HPSE2: variants seen among roughly 807,000 people sequenced by gnomAD.
The protein encoded by HPSE2 is heparanase 2 (inactive).
A neutral mutation model predicts 60.5 loss-of-function variants in HPSE2; 38 were observed. That is an observed-to-expected ratio of 0.63 (90% CI 0.48 to 0.82). The LOEUF (loss-of-function observed/expected upper bound fraction) is 0.82. Ranked by LOEUF, HPSE2 falls within the 40% of genes least tolerant of loss-of-function variation. The pLI is 0.00. For missense variants in HPSE2, 713 were observed against 740.4 expected (o/e 0.96, Z 0.43); for synonymous variants, 295 against 293.2 (o/e 1.01, Z -0.06).
intron 2 of HPSE2, among the ~76,000 whole-genome samples, chr10:99,164,227 TTATATATATA>T (rs60497589): frequency 0.048 from 1,625 of 33,508 alleles, 51 homozygotes; most frequent in South Asian, 0.065. Context: ...TATTCAAGCA[TTATATATATA>T]TATATATATA....
At chr10:98,620,540 C>G in intron 8 of HPSE2, 62 bp downstream of exon 8, 1 of 1,207,818 alleles carries the variant, frequency 8.3e-7, no homozygotes, top group Non-Finnish European at 1.2e-6. Flanking sequence ...TCAGCAACAC[C>G]AGAGATTCAC....
intron 3 of HPSE2, among the ~76,000 whole-genome samples, chr10:98,911,912 T>C (rs1342027256): frequency 1.3e-5 from 2 of 152,204 alleles, no homozygotes; most frequent in African/African-American, 4.8e-5. Context: ...TTATTTGACC[T>C]TGAGAAACTA....
intron 3 of HPSE2, among the ~76,000 whole-genome samples, chr10:98,978,099 C>T (rs998421204): frequency 2.0e-5 from 3 of 151,978 alleles, no homozygotes; most frequent in Admixed American, 1.3e-4. Flanking sequence ...ATTTGAAACA[C>T]GCTTAATTCC....
At chr10:98,726,491 AG>A (rs1418053002) in intron 4 of HPSE2, among the ~76,000 whole-genome samples, 1 of 30,290 alleles carries the variant, frequency 3.3e-5, no homozygotes, top group Non-Finnish European at 6.6e-5. Context: ...GTTGTGGGGC[AG>A]GGGGAGGGGG....
chr10:99,132,746 A>G (rs542680000), intron 3 of HPSE2, among the ~76,000 whole-genome samples: 58 of 152,332 alleles, frequency 3.8e-4, no homozygotes, highest in Non-Finnish European at 6.2e-4. Flanking sequence ...CCCGCAAACC[A>G]GGAGATTCCC....
At chr10:99,288,748 CAAAAA>C in the HPSE2 span, among the ~76,000 whole-genome samples, 1,254 of 75,794 alleles carry the variant, frequency 0.017, 6 homozygotes, top group Middle Eastern at 0.12. Context: ...CAGCCTCAAG[CAAAAA>C]AAAAAAAAAA....
At chr10:98,994,967 A>G (rs1402625254) in intron 3 of HPSE2, among the ~76,000 whole-genome samples, 1 of 152,200 alleles carries the variant, frequency 6.6e-6, no homozygotes, top group Admixed American at 6.5e-5. Flanking sequence ...TAGTGGGTCT[A>G]TGGTTTCTCA....
At chr10:98,812,217 A>G (rs1364444092) in intron 3 of HPSE2, among the ~76,000 whole-genome samples, 2 of 152,158 alleles carry the variant, frequency 1.3e-5, no homozygotes, top group Non-Finnish European at 2.9e-5. Context: ...CTCCATCCTC[A>G]ATCCACAAAG....
At chr10:98,571,715 G>A (rs1247253570) in intron 9 of HPSE2, among the ~76,000 whole-genome samples, 1 of 152,170 alleles carries the variant, frequency 6.6e-6, no homozygotes, top group East Asian at 1.9e-4. Flanking sequence ...ATTGTGAGCA[G>A]AAATGAAGGC....
Position 99,154,702 on chromosome 10 carries a change from C to G in HPSE2, c.449-10303G>C, listed in dbSNP as rs1453217261. Among the ~76,000 whole-genome samples the G allele has an allele frequency of 2.7e-5, 4 of 150,772 alleles. No individual in the cohort carries two copies. In the East Asian group the frequency reaches 7.9e-4, roughly 30 times the overall value. On this transcript the variant is annotated intron_variant, in intron 2 of 11. Coordinates refer to ENST00000370552, the MANE Select transcript of HPSE2 (RefSeq NM_021828.5). ...GGAAGAAACTGCATAAACTAACGAGCAAAATCACCAGCTAACATCATAATG... is the reference window on the plus strand; with the variant it reads ...GGAAGAAACTGCATAAACTAACGAGGAAAATCACCAGCTAACATCATAATG...
intron 3 of HPSE2, among the ~76,000 whole-genome samples, chr10:98,921,071 T>A (rs570878326): frequency 2.0e-5 from 3 of 152,182 alleles, no homozygotes; most frequent in African/African-American, 7.2e-5. Context: ...TTCTACTAGG[T>A]GCTCAAACTA....
chr10:99,100,119 G>T (rs1444442659), intron 3 of HPSE2, among the ~76,000 whole-genome samples: 1 of 152,216 alleles, frequency 6.6e-6, no homozygotes, highest in Admixed American at 6.5e-5. Flanking sequence ...CTCCTTGTCA[G>T]CAATGGAACA....
intron 9 of HPSE2, among the ~76,000 whole-genome samples, chr10:98,538,734 A>T (rs1943366871): frequency 6.6e-6 from 1 of 152,154 alleles, no homozygotes; most frequent in African/African-American, 2.4e-5. Flanking sequence ...GATCCTACTT[A>T]ATTAATGTGG....
Position 98,962,373 on chromosome 10 carries a change from G to A in HPSE2, c.610+181865C>T, listed in dbSNP as rs1488353476. Reference sequence around the variant, plus strand: ...CACGATATTGATTCTTCCTACCCATGAGCATGGAATGTTCTTCCAATTGTT... The same window carrying A: ...CACGATATTGATTCTTCCTACCCATAAGCATGGAATGTTCTTCCAATTGTT... On this transcript the variant is annotated intron_variant, in intron 3 of 11. Coordinates refer to ENST00000370552, the MANE Select transcript of HPSE2 (RefSeq NM_021828.5). Among the ~76,000 whole-genome samples the A allele has an allele frequency of 4.0e-5, 6 of 151,154 alleles. No individual in the cohort carries two copies. In the East Asian group the frequency reaches 1.2e-3, roughly 30 times the overall value.
intron 6 of HPSE2, among the ~76,000 whole-genome samples, chr10:98,678,439 C>T (rs1177339593): frequency 6.6e-6 from 1 of 152,110 alleles, no homozygotes; most frequent in Admixed American, 6.6e-5. Flanking sequence ...GTCCCATTCC[C>T]GAAGTTTATG....
At chr10:98,610,769 T>G (rs763797774) in intron 9 of HPSE2, among the ~76,000 whole-genome samples, 2 of 152,212 alleles carry the variant, frequency 1.3e-5, no homozygotes, top group African/African-American at 4.8e-5. Context: ...CCCTAGAATG[T>G]CAAGCATGAA....
chr10:98,506,238 T>C (rs1376588967), intron 9 of HPSE2, among the ~76,000 whole-genome samples: 1 of 152,194 alleles, frequency 6.6e-6, no homozygotes, highest in Non-Finnish European at 1.5e-5. Context: ...TAAGAAATGG[T>C]CCTAGATCTT....
chr10:99,297,973 T>C, the HPSE2 span, among the ~76,000 whole-genome samples: 4 of 152,220 alleles, frequency 2.6e-5, no homozygotes, highest in Non-Finnish European at 5.9e-5. Context: ...AATTGCCAAT[T>C]CCAAGTGCTT....
At chr10:99,258,039 G>A in the HPSE2 span, among the ~76,000 whole-genome samples, 16 of 152,078 alleles carry the variant, frequency 1.1e-4, no homozygotes, top group East Asian at 3.9e-4. Flanking sequence ...TACTTGGGAG[G>A]CTGAGGCAGG....
Sources: gnomAD v4.1 joint callset for allele counts (sites outside exome capture counted in the v4.1 genomes callset) on GRCh38, gnomAD v4.1.1 for gene constraint, MANE v1.5 for transcripts, NCBI Gene and HGNC (gene_info 2026-07-23, HGNC 2026-07-21) for gene names.